Variants in NKAIN3 observed in about 807,000 individuals in gnomAD.
NKAIN3 encodes the protein sodium/potassium transporting ATPase interacting 3.
NKAIN3 carries 25 observed loss-of-function variants against 30.2 expected under a neutral mutation model. The ratio of observed to expected loss-of-function variants is 0.83; its 90% CI spans 0.60 to 1.16. The LOEUF (loss-of-function observed/expected upper bound fraction) is 1.16, where lower values mean the gene tolerates loss of function less well. NKAIN3 is among the 50% of genes most tolerant of loss of function. The pLI is 0.00. For missense variants in NKAIN3, 225 were observed against 254.1 expected (o/e 0.89, Z 0.78); for synonymous variants, 91 against 89.6 (o/e 1.02, Z -0.09).
At chr8:62,851,364 G>A (rs1261769498) in intron 4 of NKAIN3, among the ~76,000 whole-genome samples, 14 of 152,116 alleles carry the variant, frequency 9.2e-5, no homozygotes, top group Admixed American at 1.3e-4. Context: ...GGGCTGAGGC[G>A]ATGGGGTTTT....
chr8:62,855,947 CTT>C, intron 4 of NKAIN3: 1 of 730,738 alleles, frequency 1.4e-6, no homozygotes, highest in East Asian at 2.5e-5. Context: ...TGTCCAGACA[CTT>C]TATGTGCAGA....
intron 1 of NKAIN3, among the ~76,000 whole-genome samples, chr8:62,349,965 G>A (rs541732382): frequency 1.3e-5 from 2 of 152,172 alleles, no homozygotes; most frequent in Non-Finnish European, 1.5e-5. Flanking sequence ...TACTGTTTAC[G>A]TTTAATTTCA....
chr8:62,747,788 C>T (rs561411699), intron 4 of NKAIN3, among the ~76,000 whole-genome samples: 1 of 152,302 alleles, frequency 6.6e-6, no homozygotes, highest in African/African-American at 2.4e-5. Context: ...GAACAATGTT[C>T]CTTTCAGACC....
intron 3 of NKAIN3, among the ~76,000 whole-genome samples, chr8:62,609,319 G>T (rs1452083993): frequency 6.6e-6 from 1 of 152,184 alleles, no homozygotes; most frequent in African/African-American, 2.4e-5. Flanking sequence ...AGTAAAGTGA[G>T]AAATAATGCT....
chr8:62,259,539 T>A (rs542816860), intron 1 of NKAIN3, among the ~76,000 whole-genome samples: 109 of 152,212 alleles, frequency 7.2e-4, no homozygotes, highest in African/African-American at 2.5e-3. Context: ...CAAATGCCAG[T>A]TAAATGGTAG....
chr8:62,599,687 C>T (rs914629167), intron 3 of NKAIN3, among the ~76,000 whole-genome samples: 3 of 152,002 alleles, frequency 2.0e-5, no homozygotes, highest in African/African-American at 7.2e-5. Flanking sequence ...GAAAGAGTCC[C>T]TTGTGATAGG....
intron 1 of NKAIN3, among the ~76,000 whole-genome samples, chr8:62,252,816 T>C (rs1306392850): frequency 2.6e-5 from 4 of 152,238 alleles, no homozygotes; most frequent in Non-Finnish European, 2.9e-5. Flanking sequence ...ATTAGATATG[T>C]GTAATTTATA....
chr8:62,462,335 G>A (rs1235329902), intron 1 of NKAIN3, among the ~76,000 whole-genome samples: 2 of 152,110 alleles, frequency 1.3e-5, no homozygotes, highest in Non-Finnish European at 2.9e-5. Flanking sequence ...GCAAGGTCAA[G>A]CAGTACTGAA....
chr8:62,594,443 G>C (rs1810758834), intron 3 of NKAIN3, among the ~76,000 whole-genome samples: 1 of 152,010 alleles, frequency 6.6e-6, no homozygotes, highest in Admixed American at 6.6e-5. Context: ...CAGGCTCTTT[G>C]CTAAGATCAA....
rs1824014875 is a variant in NKAIN3 at position 62,978,992 on chromosome 8, C to T, written c.*13585C>T. ...GGAGTTCCCCAACCCCTTGCACTTC[C>T]CAGGTGAGGCAATGCCCCACCCTGC... On this transcript the variant is annotated 3_prime_UTR_variant, in exon 7 of 7. Coordinates refer to ENST00000623646, the MANE Select transcript of NKAIN3 (RefSeq NM_001304533.3). The T allele has an allele frequency of 6.5e-6, 1 of 152,990 alleles. No individual in the cohort carries two copies. Among genetic ancestry groups the T allele is most frequent in the African/African-American group, 2.4e-5 (1 of 41,420 alleles). 9.5% of individuals were successfully genotyped at this position (152,990 alleles called of 1,614,324 possible).
At chr8:62,429,947 C>G (rs1804941783) in intron 1 of NKAIN3, among the ~76,000 whole-genome samples, 1 of 151,826 alleles carries the variant, frequency 6.6e-6, no homozygotes, top group Admixed American at 6.6e-5. Context: ...CTCCATAACT[C>G]TTTCTATCTT....
intron 3 of NKAIN3, among the ~76,000 whole-genome samples, chr8:62,745,553 C>G (rs966221950): frequency 1.3e-5 from 2 of 152,288 alleles, no homozygotes; most frequent in South Asian, 2.1e-4. Flanking sequence ...AGTCAAGGTC[C>G]TGGTCCCTAA....
At chr8:62,624,004 C>T (rs1586020960) in intron 3 of NKAIN3, among the ~76,000 whole-genome samples, 1 of 152,084 alleles carries the variant, frequency 6.6e-6, no homozygotes, top group African/African-American at 2.4e-5. Context: ...GAAGGTTCCT[C>T]CCCTTTTAGA....
In NKAIN3 at chr8:62,882,448, G is replaced by A. The variant is rs979124870; in HGVS notation, c.472-36005G>A. 3.9e-5 allele frequency among the ~76,000 whole-genome samples: 6 copies of A among 152,192 alleles called. No individual in the cohort carries two copies. In the East Asian group the frequency reaches 5.8e-4, roughly 15 times the overall value. On this transcript the variant is annotated intron_variant, in intron 4 of 6. Coordinates refer to ENST00000623646, the MANE Select transcript of NKAIN3 (RefSeq NM_001304533.3). ...TTCTCCTGCCTCAATCCCCCTAGTA[G>A]CTAGCATTATAGGCATCCATCACCC... is the stretch of plus-strand genomic sequence containing the variant.
chr8:62,430,487 A>G (rs1585800119), intron 1 of NKAIN3, among the ~76,000 whole-genome samples: 1 of 151,158 alleles, frequency 6.6e-6, no homozygotes, highest in Admixed American at 6.6e-5. Context: ...TTATGATACT[A>G]TCATTTTTAA....
intron 3 of NKAIN3, among the ~76,000 whole-genome samples, chr8:62,735,029 A>T (rs1815602852): frequency 6.6e-6 from 1 of 152,198 alleles, no homozygotes; most frequent in South Asian, 2.1e-4. Context: ...CACAGCTCTT[A>T]AAATTATTTC....
chr8:62,631,903 C>G (rs1369526129), intron 3 of NKAIN3, among the ~76,000 whole-genome samples: 1 of 152,182 alleles, frequency 6.6e-6, no homozygotes, highest in Non-Finnish European at 1.5e-5. Context: ...AGGGTGAGTA[C>G]AGTGTCTTAT....
intron 4 of NKAIN3, among the ~76,000 whole-genome samples, chr8:62,905,034 A>G (rs1821736240): frequency 6.6e-6 from 1 of 152,194 alleles, no homozygotes; most frequent in South Asian, 2.1e-4. Context: ...ACGAATGGAC[A>G]CAATGCTGTG....
intron 4 of NKAIN3, among the ~76,000 whole-genome samples, chr8:62,879,018 T>C (rs984695043): frequency 6.6e-6 from 1 of 152,206 alleles, no homozygotes; most frequent in Non-Finnish European, 1.5e-5. Context: ...ATCCTTTGGG[T>C]ATATACCCAG....
Sources: allele counts gnomAD v4.1 joint callset (sites outside exome capture counted in the v4.1 genomes callset), GRCh38; gene constraint gnomAD v4.1.1; transcripts MANE v1.5; gene names NCBI Gene and HGNC (gene_info 2026-07-23, HGNC 2026-07-21).